Variants in PPFIBP2 observed in about 807,000 individuals in gnomAD.
PPFIBP2 encodes PPFIB scaffold protein 2.
In PPFIBP2, 118 loss-of-function variants were observed where a neutral mutation model predicts 118.3. The ratio of observed to expected loss-of-function variants is 1.00; its 90% confidence interval spans 0.86 to 1.16. The LOEUF (loss-of-function observed/expected upper bound fraction) is 1.16, where lower values mean the gene tolerates loss of function less well. Ranked by LOEUF, PPFIBP2 falls within the 50% of genes most tolerant of loss-of-function variation. The pLI, the probability that PPFIBP2 is intolerant of heterozygous loss-of-function variation, is 0.00. For synonymous variants in PPFIBP2, 414 were observed against 397.4 expected, an observed-to-expected ratio of 1.04 and a Z score of -0.50; for missense variants, 1,195 against 1,073.1, an observed-to-expected ratio of 1.11 and a Z score of -1.59.
downstream of PPFIBP2, among the ~76,000 whole-genome samples, chr11:7,658,136 G>C (rs112531767): frequency 2.0e-5 from 3 of 152,212 alleles, no homozygotes; most frequent in Non-Finnish European, 4.4e-5. Flanking sequence ...CAGCCTAAAA[G>C]AGCATGTTGT....
At chr11:7,634,773 GAGA>G (rs1388223617) in intron 13 of PPFIBP2, among the ~76,000 whole-genome samples, 1 of 152,214 alleles carries the variant, frequency 6.6e-6, no homozygotes, top group East Asian at 1.9e-4. Flanking sequence ...GAGTTGATGA[GAGA>G]AGATGTTGAG....
At chr11:7,648,588 G>C (rs751624850) in intron 18 of PPFIBP2, 51 bp downstream of exon 18, 14 of 1,604,190 alleles carry the variant, frequency 8.7e-6, no homozygotes, top group Admixed American at 1.7e-5. Context: ...CCAAAGCATG[G>C]GGAGGCCAGG....
At chr11:7,577,042 A>G (rs1008231456) in intron 3 of PPFIBP2, 1 of 153,028 alleles carries the variant, frequency 6.5e-6, no homozygotes, top group Non-Finnish European at 1.5e-5. Context: ...AGCCCTGGGT[A>G]AATGCAGAGT....
At chr11:7,591,824 C>T (rs972255157) in intron 3 of PPFIBP2, among the ~76,000 whole-genome samples, 2 of 152,212 alleles carry the variant, frequency 1.3e-5, no homozygotes, top group Admixed American at 6.5e-5. Flanking sequence ...ATGCGGTATG[C>T]TTGGTCCACA....
intron 5 of PPFIBP2, among the ~76,000 whole-genome samples, chr11:7,600,972 T>C (rs1416070664): frequency 6.6e-6 from 1 of 152,186 alleles, no homozygotes; most frequent in Non-Finnish European, 1.5e-5. Context: ...CAACCTCTGC[T>C]CTAGACTTGG....
rs377105873 is a variant in PPFIBP2, at chr11:7,555,736, AT to A, written c.64+6202del. On this transcript the variant is annotated intron_variant, in intron 2 of 23. Transcript: ENST00000299492. ...CCCGCTGTTTGACAGCCCTCATTCCATTTTTCCCTCACTGGTAGACCCCATC... is the reference window on the plus strand; with the variant it reads ...CCCGCTGTTTGACAGCCCTCATTCCATTTTCCCTCACTGGTAGACCCCATC... Among the ~76,000 whole-genome samples, 276 of 152,168 alleles carry A rather than the reference AT, an allele frequency of 1.8e-3. 1 individual carries two copies. Among genetic ancestry groups the A allele is most frequent in the African/African-American group, 6.2e-3 (257 of 41,508 alleles).
intron 6 of PPFIBP2, among the ~76,000 whole-genome samples, chr11:7,615,799 G>C (rs748810966): frequency 1.3e-5 from 2 of 152,198 alleles, no homozygotes; most frequent in African/African-American, 4.8e-5. Flanking sequence ...ACGAGAGTGA[G>C]CATGGAAAAA....
downstream of PPFIBP2, among the ~76,000 whole-genome samples, chr11:7,660,407 C>CAT (rs71280835): frequency 0.39 from 36,499 of 93,226 alleles, 8,839 homozygotes; most frequent in Non-Finnish European, 0.52. Flanking sequence ...TTGAGATAAT[C>CAT]GTGGTTTTTG....
chr11:7,516,197 G>A (rs1699045404), intron 1 of PPFIBP2, among the ~76,000 whole-genome samples: 1 of 152,180 alleles, frequency 6.6e-6, no homozygotes, highest in South Asian at 2.1e-4. Context: ...GGAGTGTGGT[G>A]GGAAGCAAAC....
chr11:7,626,917 A>T (rs544349671), intron 8 of PPFIBP2, among the ~76,000 whole-genome samples: 1 of 152,304 alleles, frequency 6.6e-6, no homozygotes, highest in South Asian at 2.1e-4. Context: ...GAAATTAGTG[A>T]TCAATGTGCT....
intron 2 of PPFIBP2, among the ~76,000 whole-genome samples, chr11:7,553,550 C>CT (rs1391909336): frequency 2.0e-5 from 3 of 152,130 alleles, no homozygotes; most frequent in Non-Finnish European, 4.4e-5. Context: ...CAGAGTTGGA[C>CT]TGTAGGGGTT....
At chr11:7,609,510 G>T (rs1039346014) in intron 5 of PPFIBP2, among the ~76,000 whole-genome samples, 3 of 152,146 alleles carry the variant, frequency 2.0e-5, no homozygotes, top group Non-Finnish European at 2.9e-5. Context: ...TTCTAAGTGG[G>T]TGTCTTGCCT....
At chr11:7,665,249 C>G in the PPFIBP2 span, 1 of 813,704 alleles carries the variant, frequency 1.2e-6, no homozygotes, top group South Asian at 2.1e-5. Flanking sequence ...AAGAGGAGAA[C>G]CAGTGTGTGC....
intron 2 of PPFIBP2, among the ~76,000 whole-genome samples, chr11:7,552,263 A>G (rs1461284098): frequency 6.6e-6 from 1 of 152,228 alleles, no homozygotes; most frequent in East Asian, 1.9e-4. Flanking sequence ...GCCTGTGTTG[A>G]CATGCGTAAG....
At chr11:7,567,065 G>C (rs1404748667) in intron 3 of PPFIBP2, among the ~76,000 whole-genome samples, 1 of 152,170 alleles carries the variant, frequency 6.6e-6, no homozygotes, top group Non-Finnish European at 1.5e-5. Context: ...ACGTTTAGGT[G>C]CTTTCTGAGA....
chr11:7,557,590 C>T (rs182380127), intron 2 of PPFIBP2, among the ~76,000 whole-genome samples: 2 of 149,908 alleles, frequency 1.3e-5, no homozygotes, highest in East Asian at 4.0e-4. Flanking sequence ...CTCCTGGGTT[C>T]AAGCAATTCT....
downstream of PPFIBP2, chr11:7,655,480 A>G (rs1434557675): frequency 1.2e-5 from 15 of 1,289,680 alleles, no homozygotes; most frequent in African/African-American, 1.5e-5. Flanking sequence ...TCCTCTCCCA[A>G]GACATTCACC....
intron 1 of PPFIBP2, among the ~76,000 whole-genome samples, chr11:7,518,567 A>G (rs1849444526): frequency 1.3e-5 from 2 of 152,082 alleles, no homozygotes; most frequent in Non-Finnish European, 2.9e-5. Context: ...TTGTGTCAGC[A>G]TGCACCTGAG....
intron 5 of PPFIBP2, among the ~76,000 whole-genome samples, chr11:7,602,281 C>T (rs1846760943): frequency 6.6e-6 from 1 of 152,086 alleles, no homozygotes; most frequent in African/African-American, 2.4e-5. Flanking sequence ...TATCAGAGGC[C>T]AGGGCCCAGA....
Sources: gnomAD v4.1 joint callset for allele counts (sites outside exome capture counted in the v4.1 genomes callset) on GRCh38, gnomAD v4.1.1 for gene constraint, MANE v1.5 for transcripts, NCBI Gene and HGNC (gene_info 2026-07-23, HGNC 2026-07-21) for gene names.